Variants in CADPS observed in about 807,000 individuals in gnomAD.
CADPS encodes the protein calcium-dependent secretion activator 1.
CADPS carries 57 observed loss-of-function variants against 167.3 expected under a neutral mutation model. The ratio of observed to expected loss-of-function variants is 0.34; its 90% CI spans 0.28 to 0.42. The LOEUF is 0.42. CADPS is among the 20% of genes least tolerant of loss of function. CADPS has a pLI of 1.00. For missense variants in CADPS, 1,414 were observed against 1,738.1 expected (o/e 0.81, Z 3.32); for synonymous variants, 676 against 635.3 (o/e 1.06, Z -0.96).
chr3:62,720,891 C>A lies in CADPS; in HGVS notation c.888+32550G>T, dbSNP rs963083633. Among the ~76,000 whole-genome samples the A allele has an allele frequency of 1.2e-3, 176 of 149,548 alleles. 4 individuals are homozygous for A. Among genetic ancestry groups the A allele is most frequent in the Non-Finnish European group, 3.5e-4 (24 of 67,668 alleles). ...GGAGTGCCATGGTGCGATCTTGGCT[C>A]ACTGCAAGCTCCGCCTCCCAGGTTC... On this transcript the variant is annotated intron_variant, in intron 3 of 29. Coordinates refer to ENST00000383710, the MANE Select transcript of CADPS (RefSeq NM_003716.4).
At chr3:62,797,036 T>G (rs1004881433) in intron 1 of CADPS, among the ~76,000 whole-genome samples, 2 of 152,328 alleles carry the variant, frequency 1.3e-5, no homozygotes, top group South Asian at 4.1e-4. Context: ...TTTCCTTTAT[T>G]CTAAGAGAAA....
At chr3:62,672,289 G>T (rs1227717511) in intron 3 of CADPS, among the ~76,000 whole-genome samples, 2 of 152,124 alleles carry the variant, frequency 1.3e-5, no homozygotes, top group Non-Finnish European at 2.9e-5. Context: ...TCTCCTGGGT[G>T]GTGCTGATGC....
intron 1 of CADPS, among the ~76,000 whole-genome samples, chr3:62,863,374 G>T (rs749061874): frequency 2.0e-4 from 30 of 152,184 alleles, no homozygotes; most frequent in Non-Finnish European, 2.9e-4. Context: ...TTGTTATAAA[G>T]ATTAAATGAG....
chr3:62,830,360 A>G (rs1432685240), intron 1 of CADPS, among the ~76,000 whole-genome samples: 3 of 152,106 alleles, frequency 2.0e-5, no homozygotes, highest in African/African-American at 7.2e-5. Context: ...ATTTACCCCC[A>G]TCTGAGTTAA....
intron 1 of CADPS, among the ~76,000 whole-genome samples, chr3:62,804,181 T>C (rs1028898304): frequency 2.0e-5 from 3 of 152,168 alleles, no homozygotes; most frequent in African/African-American, 7.2e-5. Context: ...GGGACCATTA[T>C]GTCTGTACTG....
At chr3:62,864,197 G>A (rs1161578791) in intron 1 of CADPS, among the ~76,000 whole-genome samples, 1 of 152,220 alleles carries the variant, frequency 6.6e-6, no homozygotes, top group African/African-American at 2.4e-5. Flanking sequence ...ACCTGCACCT[G>A]TCTGTGGCCA....
At chr3:62,870,193 G>T (rs1413217312) in intron 1 of CADPS, among the ~76,000 whole-genome samples, 4 of 152,126 alleles carry the variant, frequency 2.6e-5, no homozygotes, top group African/African-American at 9.7e-5. Context: ...CCCTGATGAA[G>T]AGAAACAATT....
intron 1 of CADPS, among the ~76,000 whole-genome samples, chr3:62,853,152 C>T (rs552841877): frequency 2.0e-5 from 3 of 152,246 alleles, no homozygotes; most frequent in East Asian, 3.9e-4. Context: ...GGAAATGTCA[C>T]TGTGATCAAT....
At chr3:62,668,938 A>T (rs2150704104) in intron 3 of CADPS, among the ~76,000 whole-genome samples, 1 of 152,330 alleles carries the variant, frequency 6.6e-6, no homozygotes, top group South Asian at 2.1e-4. Context: ...CCAATCAGCT[A>T]ACTTCTAGTT....
At chr3:62,622,358 C>T (rs2063331979) in intron 6 of CADPS, among the ~76,000 whole-genome samples, 1 of 152,120 alleles carries the variant, frequency 6.6e-6, no homozygotes, top group Non-Finnish European at 1.5e-5. Context: ...ACCAACATAG[C>T]ATTGTTACTT....
chr3:62,623,295 C>T (rs2063471748), intron 6 of CADPS, among the ~76,000 whole-genome samples: 1 of 152,106 alleles, frequency 6.6e-6, no homozygotes, highest in Admixed American at 6.5e-5. Context: ...CAGAGTCATT[C>T]CAGGTCTTAT....
chr3:62,439,521 G>T (rs2055863887), intron 27 of CADPS: 1 of 152,104 alleles, frequency 6.6e-6, no homozygotes, highest in Non-Finnish European at 1.5e-5. Context: ...TTCCATGATG[G>T]TCCTATAATT....
chr3:62,559,948 C>G (rs1489856864), intron 9 of CADPS, among the ~76,000 whole-genome samples: 1 of 151,256 alleles, frequency 6.6e-6, no homozygotes, highest in Non-Finnish European at 1.5e-5. Flanking sequence ...TATGCATTTA[C>G]TATTACTACA....
At chr3:62,605,160 G>C (rs1005854982) in intron 6 of CADPS, among the ~76,000 whole-genome samples, 1 of 152,130 alleles carries the variant, frequency 6.6e-6, no homozygotes, top group Admixed American at 6.5e-5. Flanking sequence ...CCACTGACAG[G>C]CTTGGGCCAG....
chr3:62,817,435 C>T (rs982187602), intron 1 of CADPS, among the ~76,000 whole-genome samples: 7 of 152,104 alleles, frequency 4.6e-5, no homozygotes, highest in Non-Finnish European at 7.4e-5. Flanking sequence ...CTTTGTATTG[C>T]CTTAATTAAG....
At chr3:62,506,541 G>A (rs531489829) in intron 17 of CADPS, among the ~76,000 whole-genome samples, 4 of 152,040 alleles carry the variant, frequency 2.6e-5, no homozygotes, top group African/African-American at 9.6e-5. Flanking sequence ...TTTGTTCCTC[G>A]GGCTGAGCTG....
intron 1 of CADPS, among the ~76,000 whole-genome samples, chr3:62,811,392 A>T (rs2094388473): frequency 6.6e-6 from 1 of 152,150 alleles, no homozygotes; most frequent in South Asian, 2.1e-4. Flanking sequence ...TCCATCTCTC[A>T]GAAGCACACA....
chr3:62,650,891 T>C lies in CADPS; in HGVS notation c.1159A>G (p.Asn387Asp). 6.2e-7 allele frequency: 1 copy of C among 1,614,032 alleles called. No individual in the cohort carries two copies. Among genetic ancestry groups the C allele is most frequent in the Non-Finnish European group, 8.5e-7 (1 of 1,179,950 alleles). The stretch of plus-strand genomic sequence containing the variant: ...ACGACATCTGACTTGGAGAGCTGGT[T>C]CTCACTCTCCTCGCCCATGTCGATG... ...SIIDMGEESE[N>D]QLSKSDVVLS... Residue 387 changes from asparagine to aspartate, a missense_variant, in exon 5 of 30, where the codon AAC (asparagine) becomes GAC (aspartate). Physicochemically the swap from Asn to Asp is conservative, Grantham distance 23. Around this residue, in one of 6 missense-constraint regions of CADPS, gnomAD observed 522 missense variants for 559.5 expected, o/e 0.93. Coordinates refer to ENST00000383710, the MANE Select transcript of CADPS (RefSeq NM_003716.4).
intron 13 of CADPS, among the ~76,000 whole-genome samples, chr3:62,525,831 G>C (rs945822768): frequency 6.6e-6 from 1 of 152,002 alleles, no homozygotes; most frequent in Non-Finnish European, 1.5e-5. Flanking sequence ...AGAAATAAAA[G>C]GAACCATTAT....
Sources: gnomAD v4.1 joint callset for allele counts (sites outside exome capture counted in the v4.1 genomes callset) on GRCh38, gnomAD v4.1.1 for gene constraint, gnomAD v4.1.1 regional missense constraint, MANE v1.5 for transcripts, NCBI Gene and HGNC (gene_info 2026-07-23, HGNC 2026-07-21) for gene names.